The following EGFLAM variants were observed in gnomAD, a reference collection of about 807,000 sequenced individuals.
EGFLAM encodes the protein pikachurin.
A neutral mutation model predicts 113.1 loss-of-function variants in EGFLAM; 79 were observed. The observed-to-expected ratio is 0.70, with a 90% CI of 0.58 to 0.84. The LOEUF is 0.84. Ranked by LOEUF, EGFLAM falls within the 40% of genes least tolerant of loss-of-function variation. The pLI, the probability that EGFLAM is intolerant of heterozygous loss-of-function variation, is 0.00. For missense variants in EGFLAM, 1,265 were observed against 1,291.6 expected (o/e 0.98, Z 0.32); for synonymous variants, 504 against 487.6 (o/e 1.03, Z -0.44).
At chr5:38,446,076 G>A (rs1742701436) in intron 17 of EGFLAM, among the ~76,000 whole-genome samples, 1 of 152,134 alleles carries the variant, frequency 6.6e-6, no homozygotes, top group African/African-American at 2.4e-5. Context: ...AACCCACCAG[G>A]GACTCCTTGG....
chr5:38,345,259 G>A (rs1293806307), intron 3 of EGFLAM: 2 of 152,210 alleles, frequency 1.3e-5, no homozygotes, highest in African/African-American at 4.8e-5. Context: ...TAGAGTTGTT[G>A]TGAAGATTAA....
At chr5:38,439,365 G>T (rs936057802) in intron 17 of EGFLAM, among the ~76,000 whole-genome samples, 1 of 151,176 alleles carries the variant, frequency 6.6e-6, no homozygotes, top group African/African-American at 2.4e-5. Context: ...GTTTCAGTGT[G>T]GCCTTTCCTG....
intron 3 of EGFLAM, among the ~76,000 whole-genome samples, chr5:38,344,088 G>A (rs933218090): frequency 1.3e-5 from 2 of 152,220 alleles, no homozygotes; most frequent in Non-Finnish European, 2.9e-5. Context: ...AGAAAGAACA[G>A]CATCATGTAA....
intron 1 of EGFLAM, among the ~76,000 whole-genome samples, chr5:38,334,746 G>A (rs923630583): frequency 5.3e-5 from 8 of 152,256 alleles, no homozygotes; most frequent in Admixed American, 3.9e-4. Context: ...AAGAGCTGGT[G>A]GGGCTGTGTT....
intron 6 of EGFLAM, among the ~76,000 whole-genome samples, chr5:38,383,455 G>A (rs1203108749): frequency 1.3e-5 from 2 of 151,226 alleles, no homozygotes; most frequent in Admixed American, 6.6e-5. Context: ...AACTGTTTGG[G>A]TGATGTTCAA....
intron 10 of EGFLAM, among the ~76,000 whole-genome samples, chr5:38,411,949 A>G (rs1250724879): frequency 6.6e-6 from 1 of 151,862 alleles, no homozygotes; most frequent in East Asian, 1.9e-4. Flanking sequence ...ATAGGCACCC[A>G]CCACCATGTG....
intron 3 of EGFLAM, among the ~76,000 whole-genome samples, chr5:38,342,512 A>G (rs532701297): frequency 3.1e-4 from 47 of 152,332 alleles, no homozygotes; most frequent in African/African-American, 1.1e-3. Context: ...AACTGATAAA[A>G]TGACCAAAAT....
At chr5:38,439,952 TA>T (rs1326537150) in intron 17 of EGFLAM, among the ~76,000 whole-genome samples, 25 of 152,198 alleles carry the variant, frequency 1.6e-4, no homozygotes, top group African/African-American at 6.0e-4. Context: ...CACTGGAAAT[TA>T]AAGGGAGAAA....
chr5:38,296,830 G>C (rs1354870925), intron 1 of EGFLAM, among the ~76,000 whole-genome samples: 9 of 152,006 alleles, frequency 5.9e-5, no homozygotes, highest in Admixed American at 5.2e-4. Context: ...AACATCACCA[G>C]TAATAAGACA....
At chr5:38,431,600 C>G (rs141210388) in intron 15 of EGFLAM, among the ~76,000 whole-genome samples, 1 of 152,236 alleles carries the variant, frequency 6.6e-6, no homozygotes, top group Non-Finnish European at 1.5e-5. Flanking sequence ...TCAGCTACAG[C>G]AAGTAGTAGG....
chr5:38,410,621 T>C (rs996042822), intron 10 of EGFLAM, among the ~76,000 whole-genome samples: 2 of 152,154 alleles, frequency 1.3e-5, no homozygotes, highest in African/African-American at 4.8e-5. Context: ...TATTTGGAAG[T>C]GGACCAGAAA....
intron 6 of EGFLAM, among the ~76,000 whole-genome samples, chr5:38,390,524 C>G (rs1362441700): frequency 6.6e-6 from 1 of 152,182 alleles, no homozygotes; most frequent in African/African-American, 2.4e-5. Context: ...TGAAGTGCAA[C>G]TGCTATATTG....
intron 5 of EGFLAM, among the ~76,000 whole-genome samples, chr5:38,362,699 A>G (rs1299031867): frequency 6.6e-6 from 1 of 152,152 alleles, no homozygotes; most frequent in East Asian, 1.9e-4. Context: ...TTTAGTTTTG[A>G]AACTGAAAAT....
At chr5:38,383,964 G>A (rs1034245114) in intron 6 of EGFLAM, among the ~76,000 whole-genome samples, 3 of 151,996 alleles carry the variant, frequency 2.0e-5, no homozygotes, top group Non-Finnish European at 2.9e-5. Flanking sequence ...TTTGCCAGGG[G>A]TCAGAGCGTG....
chr5:38,443,000 T>C (rs1335310787), intron 17 of EGFLAM, among the ~76,000 whole-genome samples: 1 of 152,240 alleles, frequency 6.6e-6, no homozygotes, highest in Non-Finnish European at 1.5e-5. Flanking sequence ...GCGCAGTGGC[T>C]CATGCCTGTA....
intron 6 of EGFLAM, among the ~76,000 whole-genome samples, chr5:38,391,539 C>T (rs1010197984): frequency 2.0e-5 from 3 of 151,820 alleles, no homozygotes; most frequent in African/African-American, 4.8e-5. Flanking sequence ...GCTGGGATTA[C>T]AGGCGCCTAC....
chr5:38,334,473 G>A (rs1246101121), intron 1 of EGFLAM, among the ~76,000 whole-genome samples: 1 of 151,946 alleles, frequency 6.6e-6, no homozygotes, highest in Non-Finnish European at 1.5e-5. Flanking sequence ...ATCTTTTGGG[G>A]AACTAATCCT....
intron 7 of EGFLAM, among the ~76,000 whole-genome samples, chr5:38,406,454 C>T (rs139004599): frequency 9.8e-4 from 150 of 152,310 alleles, no homozygotes; most frequent in African/African-American, 3.5e-3. Context: ...TAGGCAGCTC[C>T]TGCCTGCGGA....
In EGFLAM at chr5:38,277,874, C is replaced by T. The variant is rs566393822; in HGVS notation, c.97+19023C>T. The stretch of plus-strand genomic sequence containing the variant: ...ACACTGAAAAACTATAAAATATTTA[C>T]GAAAGAAATTGAAGAAGACACAAAT... On this transcript the variant is annotated intron_variant, in intron 1 of 21. Transcript: ENST00000322350. Among the ~76,000 whole-genome samples the T allele has an allele frequency of 2.7e-4, 41 of 151,920 alleles. 1 individual carries two copies. The highest frequency in any genetic ancestry group is 7.2e-4 in the African/African-American group (30 of 41,452).
Sources: allele counts gnomAD v4.1 joint callset (sites outside exome capture counted in the v4.1 genomes callset), GRCh38; gene constraint gnomAD v4.1.1; transcripts MANE v1.5; gene names NCBI Gene and HGNC (gene_info 2026-07-23, HGNC 2026-07-21).